Variants in PDE4D observed in about 807,000 individuals in gnomAD.
PDE4D encodes 3',5'-cyclic-AMP phosphodiesterase 4D.
In PDE4D, 24 loss-of-function variants were observed where a neutral mutation model predicts 87.4. The ratio of observed to expected loss-of-function variants is 0.27; its 90% CI spans 0.20 to 0.39. The LOEUF is 0.39. Among genes scored for constraint, PDE4D ranks in the 10% least tolerant of loss-of-function variants. The pLI is 1.00. For missense variants in PDE4D, 714 were observed against 1,041.0 expected, an observed-to-expected ratio of 0.69 and a Z score of 4.32; for synonymous variants, 384 against 383.2, an observed-to-expected ratio of 1.00 and a Z score of -0.02.
intron 1 of PDE4D, among the ~76,000 whole-genome samples, chr5:59,270,089 TTA>T (rs1272508192): frequency 3.9e-5 from 6 of 152,292 alleles, no homozygotes; most frequent in Admixed American, 2.6e-4. Flanking sequence ...GTCTTTCTAG[TTA>T]TGTTTTAAAT....
intron 11 of PDE4D, among the ~76,000 whole-genome samples, chr5:58,987,021 C>T (rs1241198456): frequency 6.6e-6 from 1 of 151,684 alleles, no homozygotes; most frequent in African/African-American, 2.4e-5. Context: ...TATGTATTTA[C>T]TAAAAATTGA....
At chr5:59,583,816 C>T (rs1294948511) in intron 1 of PDE4D, among the ~76,000 whole-genome samples, 1 of 152,184 alleles carries the variant, frequency 6.6e-6, no homozygotes, top group East Asian at 1.9e-4. Flanking sequence ...CCTAGACCTC[C>T]TGTGTCTCAG....
chr5:60,030,782 A>T (rs1561999165), intron 2 of PDE4D: 1 of 152,264 alleles, frequency 6.6e-6, no homozygotes, highest in Non-Finnish European at 1.5e-5. Context: ...AAATGAATTT[A>T]AAAACTCACA....
intron 1 of PDE4D, among the ~76,000 whole-genome samples, chr5:59,476,939 T>C (rs1175075775): frequency 6.6e-6 from 1 of 151,946 alleles, no homozygotes; most frequent in African/African-American, 2.4e-5. Context: ...GGTAATTGAA[T>C]CTCATAAGTT....
intron 1 of PDE4D, among the ~76,000 whole-genome samples, chr5:59,232,231 C>T (rs1249365894): frequency 6.6e-6 from 1 of 152,062 alleles, no homozygotes; most frequent in African/African-American, 2.4e-5. Context: ...AGTGAAAAGA[C>T]AACATGTTAA....
chr5:59,947,728 G>A (rs1473620795), intron 3 of PDE4D, among the ~76,000 whole-genome samples: 1 of 152,338 alleles, frequency 6.6e-6, no homozygotes, highest in African/African-American at 2.4e-5. Flanking sequence ...GCTCTTAAGG[G>A]CCAGGCACGG....
At position 59,259,627 on chromosome 5, in the gene PDE4D, T is replaced by C. The variant is rs1581648904; in HGVS notation, c.456-43659A>G. 3.9e-5 allele frequency among the ~76,000 whole-genome samples: 6 copies of C among 152,004 alleles called. 1 individual carries two copies. The South Asian group carries it at 1.2e-3, about 32-fold the overall frequency. On this transcript the variant is annotated intron_variant, in intron 1 of 14. Transcript: ENST00000340635. ...CTGAAAACTAAGTGCTTTTTATTTC[T>C]TTCTTTAGAATTGTTAAAAGTTTCT... is the stretch of plus-strand genomic sequence containing the variant.
intron 2 of PDE4D, among the ~76,000 whole-genome samples, chr5:59,995,736 G>A (rs1001113002): frequency 1.3e-5 from 2 of 152,188 alleles, no homozygotes; most frequent in Non-Finnish European, 2.9e-5. Flanking sequence ...GACAACTGTA[G>A]GAGAATGATT....
chr5:58,983,681 G>T (rs1745762282), intron 11 of PDE4D, among the ~76,000 whole-genome samples: 1 of 152,226 alleles, frequency 6.6e-6, no homozygotes, highest in African/African-American at 2.4e-5. Context: ...ATCTGCCACT[G>T]ACATTTCAAG....
chr5:59,559,469 T>C (rs189978069), intron 1 of PDE4D, among the ~76,000 whole-genome samples: 3 of 152,296 alleles, frequency 2.0e-5, no homozygotes, highest in Admixed American at 2.0e-4. Flanking sequence ...AAAAATTAAA[T>C]GTTTGTTTTG....
intron 1 of PDE4D, among the ~76,000 whole-genome samples, chr5:60,440,350 A>G (rs371424): frequency 0.38 from 57,143 of 152,032 alleles, 11,254 homozygotes; most frequent in South Asian, 0.59. Flanking sequence ...CAAAAAAAAT[A>G]AACACAAACC....
rs77323368 is a variant in PDE4D, at chr5:59,591,035, T to C, written c.455+302133A>G. Among the ~76,000 whole-genome samples, 522 of 152,276 alleles carry C rather than the reference T, an allele frequency of 3.4e-3. 3 individuals carry two copies. The highest frequency in any genetic ancestry group is 0.012 in the African/African-American group (489 of 41,570). The stretch of plus-strand genomic sequence containing the variant: ...TTTTTCAAAGTTGCATCAGGTCAGC[T>C]GAGGGGCAAGGTACTTTGTGCTGGG... On this transcript the variant is annotated intron_variant, in intron 1 of 14. Transcript: ENST00000340635.
At chr5:59,338,831 A>G (rs985830183) in intron 1 of PDE4D, among the ~76,000 whole-genome samples, 3 of 152,240 alleles carry the variant, frequency 2.0e-5, no homozygotes, top group Non-Finnish European at 4.4e-5. Flanking sequence ...TATAGCAACT[A>G]TTAATGAAAG....
Position 60,368,468 on chromosome 5 carries a change from C to T in PDE4D, c.-90+119474G>A, listed in dbSNP as rs1561173020. On this transcript the variant is annotated intron_variant, in intron 1 of 16. Coordinates refer to the PDE4D transcript ENST00000502484. ...CTTTTCTCCCTCTGGCCACATTTTG[C>T]TTTAATGCATGAAACAGGAATTACC... 2.6e-5 allele frequency among the ~76,000 whole-genome samples: 4 copies of T among 152,148 alleles called. No individual in the cohort carries two copies. The South Asian group carries it at 8.3e-4, about 32-fold the overall frequency.
At chr5:59,723,840 T>A (rs1288426091) in intron 1 of PDE4D, among the ~76,000 whole-genome samples, 2 of 152,200 alleles carry the variant, frequency 1.3e-5, no homozygotes, top group Non-Finnish European at 2.9e-5. Flanking sequence ...AGCCACTGGT[T>A]AACTTTTCTC....
chr5:60,491,397 T>C (rs1361870555), upstream of PDE4D: 2 of 152,136 alleles, frequency 1.3e-5, no homozygotes, highest in East Asian at 1.9e-4. Context: ...TTGTATTTTG[T>C]TGTTGTTGTT....
chr5:59,973,143 T>C (rs1409125208), intron 3 of PDE4D, among the ~76,000 whole-genome samples: 1 of 152,200 alleles, frequency 6.6e-6, no homozygotes, highest in Non-Finnish European at 1.5e-5. Flanking sequence ...AAACTGTGTC[T>C]GTCATATACT....
At chr5:60,056,211 G>A (rs1047975392) in intron 2 of PDE4D, among the ~76,000 whole-genome samples, 4 of 152,014 alleles carry the variant, frequency 2.6e-5, no homozygotes, top group African/African-American at 9.7e-5. Flanking sequence ...TCCCTTGAAT[G>A]AACCCATCGC....
At chr5:59,989,336 A>T (rs1444743439) in intron 2 of PDE4D, among the ~76,000 whole-genome samples, 1 of 151,902 alleles carries the variant, frequency 6.6e-6, no homozygotes, top group Non-Finnish European at 1.5e-5. Flanking sequence ...ATACAGTATT[A>T]TAATCTTATG....
Sources: allele counts gnomAD v4.1 joint callset (sites outside exome capture counted in the v4.1 genomes callset), GRCh38; gene constraint gnomAD v4.1.1; transcripts MANE v1.5; gene names NCBI Gene and HGNC (gene_info 2026-07-23, HGNC 2026-07-21).